The following TXNDC12 variants were observed in gnomAD, a reference collection of about 807,000 sequenced individuals.
The protein encoded by TXNDC12 is thioredoxin domain containing 12.
In TXNDC12, 22 loss-of-function variants were observed where a neutral mutation model predicts 24.2. The ratio of observed to expected loss-of-function variants is 0.91; its 90% confidence interval spans 0.65 to 1.30. The LOEUF is 1.30. TXNDC12 is among the 50% of genes most tolerant of loss of function. The pLI, the probability that TXNDC12 is intolerant of heterozygous loss-of-function variation, is 0.00. For synonymous variants in TXNDC12, 58 were observed against 73.4 expected, an observed-to-expected ratio of 0.79 and a Z score of 1.07; for missense variants, 184 against 205.8, an observed-to-expected ratio of 0.89 and a Z score of 0.65.
At chr1:52,028,807 T>G (rs915395919) in intron 2 of TXNDC12, among the ~76,000 whole-genome samples, 177 bp from the exon 3 acceptor site, 1 of 152,178 alleles carries the variant, frequency 6.6e-6, no homozygotes, top group Non-Finnish European at 1.5e-5. Flanking sequence ...TTCTAACACT[T>G]CTGTAAATTC....
Position 52,052,537 on chromosome 1 carries a change from T to C in TXNDC12, c.97+2463A>G, listed in dbSNP as rs936692299. The stretch of plus-strand genomic sequence containing the variant: ...CATAAAGCTACTGTGAGGAAACCCA[T>C]AGGAGCCCATGCGGAAAGATCACAT... On this transcript the variant is annotated intron_variant, in intron 1 of 6. Coordinates refer to ENST00000371626, the MANE Select transcript of TXNDC12 (RefSeq NM_015913.4). 13 of 169,610 alleles carry C rather than the reference T, an allele frequency of 7.7e-5. No individual in the cohort carries two copies. The East Asian group carries it at 1.3e-3, about 18-fold the overall frequency. 10.5% of individuals were successfully genotyped at this position (169,610 alleles called of 1,614,324 possible). A position where few individuals can be genotyped will look rare whatever the true frequency, so the allele number is the denominator to read the frequency against.
In TXNDC12 at chr1:52,038,280, C is replaced by G. The variant is rs529856119; in HGVS notation, c.158+3257G>C. ...CGGTGTCTGAGAATTCATCTGCTGC[C>G]TCTTGGTCAGCATAAGCTGCTTCTC... On this transcript the variant is annotated intron_variant, in intron 2 of 6. Transcript: ENST00000371626. Among the ~76,000 whole-genome samples the G allele has an allele frequency of 1.7e-4, 26 of 151,798 alleles. 1 individual carries two copies. The South Asian group carries it at 5.4e-3, about 32-fold the overall frequency.
chr1:52,025,838 T>C (rs1164628139), intron 4 of TXNDC12, among the ~76,000 whole-genome samples: 1 of 150,806 alleles, frequency 6.6e-6, no homozygotes, highest in South Asian at 2.1e-4. Context: ...TTTTTTTTTT[T>C]CTCTTTTTTG....
At chr1:52,039,415 T>C (rs1685945842) in intron 2 of TXNDC12, among the ~76,000 whole-genome samples, 1 of 151,756 alleles carries the variant, frequency 6.6e-6, no homozygotes, top group African/African-American at 2.4e-5. Context: ...TGCAACTCCG[T>C]CTCCCAGGTT....
chr1:52,033,176 C>CACAA (rs749597550), intron 2 of TXNDC12: 1 of 1,614,236 alleles, frequency 6.2e-7, no homozygotes. Context: ...CCATGCTTTG[C>CACAA]AGATTTCTCT....
intron 5 of TXNDC12, among the ~76,000 whole-genome samples, chr1:52,024,009 C>G (rs1685638381): frequency 6.8e-6 from 1 of 147,178 alleles, no homozygotes. Context: ...TTTTTTGAGA[C>G]AGGGTCATTC....
intron 4 of TXNDC12, 96 bp from the exon 5 acceptor site, chr1:52,024,675 G>C: frequency 4.4e-6 from 4 of 901,486 alleles, no homozygotes; most frequent in Non-Finnish European, 7.2e-6. Flanking sequence ...AAAACCCCAA[G>C]TCCTTGCAGT....
At chr1:52,040,466 C>T (rs943457422) in intron 2 of TXNDC12, among the ~76,000 whole-genome samples, 1 of 152,120 alleles carries the variant, frequency 6.6e-6, no homozygotes, top group African/African-American at 2.4e-5. Flanking sequence ...GGATTACAGG[C>T]ATGAGCCACC....
intron 2 of TXNDC12, among the ~76,000 whole-genome samples, chr1:52,028,919 C>G (rs1017287563): frequency 5.3e-5 from 8 of 152,172 alleles, no homozygotes; most frequent in African/African-American, 1.9e-4. Flanking sequence ...CTTGAGGCCA[C>G]GGATTCAAGA....
intron 6 of TXNDC12, 24 bp downstream of exon 6, chr1:52,023,467 T>C (rs1454144989): frequency 3.1e-6 from 5 of 1,587,568 alleles, no homozygotes; most frequent in Non-Finnish European, 4.3e-6. Context: ...GCAATAATCC[T>C]CCCTCCCTTC....
At chr1:52,051,642 G>T (rs1420507805) in intron 1 of TXNDC12, 1 of 160,380 alleles carries the variant, frequency 6.2e-6, no homozygotes, top group Non-Finnish European at 1.5e-5. Flanking sequence ...GCCTCCCAAA[G>T]TGCTGGGATA....
upstream of TXNDC12, chr1:52,055,308 G>T (rs377116385): frequency 1.1e-4 from 59 of 535,238 alleles, no homozygotes; most frequent in East Asian, 1.7e-3. Context: ...TGCAGATCAC[G>T]TAGAAGGGTA....
intron 4 of TXNDC12, among the ~76,000 whole-genome samples, chr1:52,025,621 G>T (rs1017402025): frequency 6.6e-6 from 1 of 152,176 alleles, no homozygotes; most frequent in Non-Finnish European, 1.5e-5. Flanking sequence ...ACAGAAAGTG[G>T]TGAGGAATTC....
intron 1 of TXNDC12, among the ~76,000 whole-genome samples, chr1:52,048,519 AAG>A (rs1289787855): frequency 4.6e-5 from 7 of 151,934 alleles, no homozygotes; most frequent in African/African-American, 1.5e-4. Flanking sequence ...GGACTTACAG[AAG>A]TCCAATGCCA....
At chr1:52,032,686 A>G (rs765841766) in intron 2 of TXNDC12, 3 of 1,573,626 alleles carry the variant, frequency 1.9e-6, no homozygotes, top group Non-Finnish European at 2.6e-6. Flanking sequence ...CTTCCCCCCT[A>G]CCTCCTCTGG....
At chr1:52,043,591 A>G (rs1686035353) in intron 1 of TXNDC12, among the ~76,000 whole-genome samples, 1 of 152,248 alleles carries the variant, frequency 6.6e-6, no homozygotes, top group Non-Finnish European at 1.5e-5. Flanking sequence ...AAATAATTAT[A>G]TCTCATAAGG....
intron 1 of TXNDC12, among the ~76,000 whole-genome samples, chr1:52,053,695 C>G (rs200137274): frequency 2.7e-5 from 4 of 150,814 alleles, no homozygotes; most frequent in Admixed American, 6.8e-5. Flanking sequence ...CAAAAAAAAA[C>G]GGTAGTCTGT....
intron 1 of TXNDC12, among the ~76,000 whole-genome samples, chr1:52,043,707 C>T (rs1686037035): frequency 6.6e-6 from 1 of 152,196 alleles, no homozygotes; most frequent in African/African-American, 2.4e-5. Context: ...ACGATTGAGA[C>T]TTCTGAGGCT....
chr1:52,027,384 C>T, intron 3 of TXNDC12, 36 bp from the exon 4 acceptor site: 6 of 1,427,294 alleles, frequency 4.2e-6, no homozygotes, highest in East Asian at 2.3e-5. Context: ...GAAGAAAAAA[C>T]ATCATTGTCA....
Sources: gnomAD v4.1 joint callset for allele counts (sites outside exome capture counted in the v4.1 genomes callset) on GRCh38, gnomAD v4.1.1 for gene constraint, MANE v1.5 for transcripts, NCBI Gene and HGNC (gene_info 2026-07-23, HGNC 2026-07-21) for gene names.